The following GRK5 variants were observed in gnomAD, a reference collection of about 807,000 sequenced individuals.
The protein encoded by GRK5 is g protein-coupled receptor kinase GRK5.
In GRK5, 40 loss-of-function variants were observed where a neutral mutation model predicts 78.4. The ratio of observed to expected loss-of-function variants is 0.51; its 90% confidence interval spans 0.40 to 0.66. GRK5 has a LOEUF of 0.66. Among genes scored for constraint, GRK5 ranks in the 30% least tolerant of loss-of-function variants. The pLI is 0.00. For synonymous variants in GRK5, 289 were observed against 296.8 expected (o/e 0.97, Z 0.27); for missense variants, 598 against 759.9 (o/e 0.79, Z 2.50).
At chr10:119,215,185 G>A (rs1018293013) in intron 1 of GRK5, among the ~76,000 whole-genome samples, 2 of 152,182 alleles carry the variant, frequency 1.3e-5, no homozygotes, top group Non-Finnish European at 2.9e-5. Flanking sequence ...ATTAATTAAA[G>A]TTAGGAATTA....
chr10:119,236,854 A>G (rs1386499605), intron 1 of GRK5, among the ~76,000 whole-genome samples: 1 of 150,666 alleles, frequency 6.6e-6, no homozygotes, highest in Non-Finnish European at 1.5e-5. Flanking sequence ...CTGGTCTCGA[A>G]CTCCTGACCT....
intron 1 of GRK5, among the ~76,000 whole-genome samples, chr10:119,325,007 G>C (rs1325065164): frequency 1.3e-5 from 2 of 152,214 alleles, no homozygotes; most frequent in African/African-American, 4.8e-5. Context: ...GAGGGAGTTG[G>C]GTTGAAGATG....
Position 119,275,587 on chromosome 10 carries a change from GCTCT to G in GRK5, c.53-50907_53-50904del, listed in dbSNP as rs143881383. ...CTAAGGCATGCTTGTGCGTGTGCAC[GCTCT>G]CTCTCTCTCTCTCTCTCTCTCGCAC... is the stretch of plus-strand genomic sequence containing the variant. On this transcript the variant is annotated intron_variant, in intron 1 of 15. Coordinates refer to ENST00000392870, the MANE Select transcript of GRK5 (RefSeq NM_005308.3). Among the ~76,000 whole-genome samples the G allele has an allele frequency of 3.6e-3, 475 of 130,610 alleles. 1 individual carries two copies. The highest frequency in any genetic ancestry group is 5.4e-3 in the South Asian group (21 of 3,860). 85.7% of individuals were successfully genotyped at this position (130,610 alleles called of 152,430 possible). A position where few individuals can be genotyped will look rare whatever the true frequency, so the allele number is the denominator to read the frequency against.
chr10:119,410,770 A>G (rs1042390950), intron 4 of GRK5, among the ~76,000 whole-genome samples: 1 of 151,928 alleles, frequency 6.6e-6, no homozygotes, highest in Admixed American at 6.6e-5. Context: ...CACAAATGGC[A>G]TGAGCTGGAG....
intron 1 of GRK5, among the ~76,000 whole-genome samples, chr10:119,312,557 C>T (rs1378922597): frequency 6.6e-6 from 1 of 152,190 alleles, no homozygotes; most frequent in Non-Finnish European, 1.5e-5. Context: ...CCCTATCTGG[C>T]CCTTTGCAGA....
intron 2 of GRK5, among the ~76,000 whole-genome samples, chr10:119,353,736 C>T (rs1183936059): frequency 2.6e-5 from 4 of 152,148 alleles, no homozygotes; most frequent in Non-Finnish European, 5.9e-5. Flanking sequence ...AGACCAGCTA[C>T]CTGACAATGT....
At chr10:119,281,577 G>A (rs1346871692) in intron 1 of GRK5, among the ~76,000 whole-genome samples, 1 of 152,180 alleles carries the variant, frequency 6.6e-6, no homozygotes, top group African/African-American at 2.4e-5. Context: ...AGCCTCTCCT[G>A]TGGTGGCATC....
chr10:119,348,033 T>C (rs1851127417), intron 2 of GRK5, among the ~76,000 whole-genome samples: 1 of 152,224 alleles, frequency 6.6e-6, no homozygotes, highest in Non-Finnish European at 1.5e-5. Context: ...TTCTAGCCCT[T>C]CTGTCTCCCT....
intron 5 of GRK5, among the ~76,000 whole-genome samples, chr10:119,424,173 G>A (rs1291795173): frequency 1.3e-5 from 2 of 152,132 alleles, no homozygotes; most frequent in South Asian, 2.1e-4. Context: ...ACAGTGGGTG[G>A]GGTCTTGGTT....
intron 6 of GRK5, among the ~76,000 whole-genome samples, chr10:119,427,490 G>A (rs575432340): frequency 0.018 from 2,471 of 140,510 alleles, 71 homozygotes; most frequent in African/African-American, 0.063. Flanking sequence ...CAGCATCACC[G>A]CCATCATCAG....
chr10:119,443,772 A>G lies in GRK5; in HGVS notation c.1266+20A>G, dbSNP rs575161229. The G allele has an allele frequency of 1.3e-6, 2 of 1,577,000 alleles. No homozygotes were observed. The highest frequency in any genetic ancestry group is 4.5e-5 in the East Asian group (2 of 43,968). On this transcript the variant is annotated intron_variant, in intron 12 of 15. Transcript: ENST00000392870. ...AAGATGGTGAGCTCCTGGTGGCCAG[A>G]TGCCACCCTCAAGCTGGTGGCTCCC...
At chr10:119,305,391 A>C (rs10886446) in intron 1 of GRK5, among the ~76,000 whole-genome samples, 140,566 of 152,292 alleles carry the variant, frequency 0.92, 65,141 homozygotes, top group East Asian at 1. Flanking sequence ...GTTCACAGAC[A>C]TGTCAGAGGT....
At chr10:119,358,062 G>A (rs920291448) in intron 2 of GRK5, among the ~76,000 whole-genome samples, 3 of 152,188 alleles carry the variant, frequency 2.0e-5, no homozygotes, top group Non-Finnish European at 4.4e-5. Context: ...CGGATGGCCC[G>A]AAATGGCTTG....
At chr10:119,415,081 C>CAAAAAAAAAAAA (rs762165768) in intron 4 of GRK5, among the ~76,000 whole-genome samples, 4 of 75,724 alleles carry the variant, frequency 5.3e-5, no homozygotes, top group African/African-American at 9.6e-5. Context: ...GACTCTGTCT[C>CAAAAAAAAAAAA]AAAAAAAAAA....
rs1303939616 is a variant in GRK5 at position 119,271,132 on chromosome 10, C to T, written c.53-55384C>T. ...GTAAGCTCACACTGTCAGATAGCAC[C>T]AGGACCTGGGGTGGCGCCGGCGCCG... On this transcript the variant is annotated intron_variant, in intron 1 of 15. Coordinates refer to ENST00000392870, the MANE Select transcript of GRK5 (RefSeq NM_005308.3). The surrounding 1 kb of genome is among the most constrained non-coding windows in gnomAD (Gnocchi z 4.1). Among the ~76,000 whole-genome samples, 1 of 152,222 alleles carries T rather than the reference C, an allele frequency of 6.6e-6. No homozygotes were observed. Among genetic ancestry groups the T allele is most frequent in the Non-Finnish European group, 1.5e-5 (1 of 68,036 alleles).
At chr10:119,244,467 T>C (rs545153136) in intron 1 of GRK5, among the ~76,000 whole-genome samples, 1 of 152,356 alleles carries the variant, frequency 6.6e-6, no homozygotes, top group African/African-American at 2.4e-5. Flanking sequence ...TACAAATGAC[T>C]ATAAGTATAT....
chr10:119,229,696 C>G (rs182806876), intron 1 of GRK5, among the ~76,000 whole-genome samples: 4 of 152,234 alleles, frequency 2.6e-5, no homozygotes, highest in Admixed American at 2.0e-4. Flanking sequence ...ACAGAGGCAG[C>G]CTTGATGGGG....
chr10:119,210,392 G>T (rs1460745125), intron 1 of GRK5, among the ~76,000 whole-genome samples: 1 of 152,102 alleles, frequency 6.6e-6, no homozygotes, highest in African/African-American at 2.4e-5. Context: ...GTTTCTTTTG[G>T]CTGGGCCTTT....
At chr10:119,273,613 A>T (rs1226849610) in intron 1 of GRK5, among the ~76,000 whole-genome samples, 14 of 151,430 alleles carry the variant, frequency 9.2e-5, no homozygotes, top group Admixed American at 9.2e-4. Flanking sequence ...CCACAGGGGA[A>T]CTCATCTCCC....
Sources: gnomAD v4.1 joint callset for allele counts (sites outside exome capture counted in the v4.1 genomes callset) on GRCh38, gnomAD v4.1.1 for gene constraint, Gnocchi (gnomAD v3.1) non-coding constraint, MANE v1.5 for transcripts, NCBI Gene and HGNC (gene_info 2026-07-23, HGNC 2026-07-21) for gene names.